Variants in LRP1B observed in about 807,000 individuals in gnomAD.
LRP1B encodes the protein LDL receptor related protein 1B.
In LRP1B, 217 loss-of-function variants were observed where a neutral mutation model predicts 556.6. The observed-to-expected ratio is 0.39, with a 90% CI of 0.35 to 0.44. LRP1B has a LOEUF of 0.44. Among genes scored for constraint, LRP1B ranks in the 20% least tolerant of loss-of-function variants. The pLI, the probability that LRP1B is intolerant of heterozygous loss-of-function variation, is 1.00. For missense variants in LRP1B, 5,053 were observed against 5,620.8 expected, an observed-to-expected ratio of 0.90 and a Z score of 3.23; for synonymous variants, 2,047 against 1,865.8, an observed-to-expected ratio of 1.10 and a Z score of -2.50.
chr2:141,958,249 G>GT (rs1302611278), intron 1 of LRP1B, among the ~76,000 whole-genome samples: 3 of 152,024 alleles, frequency 2.0e-5, no homozygotes, highest in African/African-American at 7.2e-5. Flanking sequence ...CAGTCCTGGT[G>GT]CATTAGAAGA....
intron 2 of LRP1B, among the ~76,000 whole-genome samples, chr2:141,644,158 G>A (rs1689458993): frequency 6.6e-6 from 1 of 151,836 alleles, no homozygotes; most frequent in Non-Finnish European, 1.5e-5. Context: ...CTCTATTAGT[G>A]ATGTGGTTTG....
intron 1 of LRP1B, among the ~76,000 whole-genome samples, chr2:141,853,975 G>A (rs984066573): frequency 2.0e-5 from 3 of 151,836 alleles, no homozygotes; most frequent in Admixed American, 6.6e-5. Context: ...GGTTAAGACA[G>A]CTACTATGAT....
At chr2:141,273,771 A>G (rs1163394814) in intron 3 of LRP1B, among the ~76,000 whole-genome samples, 1 of 152,222 alleles carries the variant, frequency 6.6e-6, no homozygotes, top group Non-Finnish European at 1.5e-5. Context: ...AACACCATCA[A>G]AAAAGTGAAT....
intron 37 of LRP1B, among the ~76,000 whole-genome samples, chr2:140,706,088 C>A (rs1686826679): frequency 1.3e-5 from 2 of 152,020 alleles, no homozygotes; most frequent in South Asian, 4.1e-4. Context: ...CATAGATGCA[C>A]CTGAGATATC....
At chr2:140,383,429 G>T (rs912042892) in intron 67 of LRP1B, among the ~76,000 whole-genome samples, 8 of 151,702 alleles carry the variant, frequency 5.3e-5, no homozygotes, top group African/African-American at 1.9e-4. Flanking sequence ...ATATTTTGGT[G>T]CTCCCCAAAG....
chr2:141,826,236 T>G lies in LRP1B; in HGVS notation c.83-15835A>C, dbSNP rs964643183. 2.0e-5 allele frequency among the ~76,000 whole-genome samples: 3 copies of G among 151,116 alleles called. 1 individual carries two copies. In the South Asian group the frequency reaches 6.2e-4, roughly 31 times the overall value. On this transcript the variant is annotated intron_variant, in intron 1 of 90. Coordinates refer to ENST00000389484, the MANE Select transcript of LRP1B (RefSeq NM_018557.3). ...TAAAAATAATATATATTGTTCTGTA[T>G]ATTCCCATTTTACTTAAATATTTTA... is the stretch of plus-strand genomic sequence containing the variant.
chr2:141,985,019 G>A (rs980679025), intron 1 of LRP1B, among the ~76,000 whole-genome samples: 3 of 152,120 alleles, frequency 2.0e-5, no homozygotes. Context: ...CAAATTACCA[G>A]TTAAATGTGA....
At chr2:141,592,132 C>T (rs1687361965) in intron 2 of LRP1B, among the ~76,000 whole-genome samples, 1 of 152,132 alleles carries the variant, frequency 6.6e-6, no homozygotes, top group Admixed American at 6.5e-5. Context: ...TTTCTCCCAA[C>T]CACTCGTTGA....
chr2:140,509,346 T>C (rs566095863), intron 52 of LRP1B, among the ~76,000 whole-genome samples: 14 of 152,330 alleles, frequency 9.2e-5, no homozygotes, highest in African/African-American at 3.4e-4. Flanking sequence ...AGTAATGCCC[T>C]GAAAATTTCC....
chr2:140,465,397 G>T (rs1156665647), intron 60 of LRP1B, among the ~76,000 whole-genome samples: 1 of 152,154 alleles, frequency 6.6e-6, no homozygotes, highest in Non-Finnish European at 1.5e-5. Context: ...GTAAGTGAGA[G>T]AATTGATAGA....
At chr2:141,469,416 C>A (rs903630865) in intron 3 of LRP1B, among the ~76,000 whole-genome samples, 1 of 152,036 alleles carries the variant, frequency 6.6e-6, no homozygotes, top group African/African-American at 2.4e-5. Flanking sequence ...GTAGCTTAAA[C>A]AAAGGCAGCT....
At chr2:141,194,779 C>T (rs1484620431) in intron 6 of LRP1B, among the ~76,000 whole-genome samples, 3 of 151,996 alleles carry the variant, frequency 2.0e-5, no homozygotes, top group Admixed American at 2.0e-4. Flanking sequence ...AATACCAAGA[C>T]TCCAAAATGG....
rs2105188139 is a variant in LRP1B at position 140,598,619 on chromosome 2, T to C, written c.7194+12A>G. 1 of 1,600,762 alleles carries C rather than the reference T, an allele frequency of 6.2e-7. No individual in the cohort carries two copies. The highest frequency in any genetic ancestry group is 2.2e-5 in the East Asian group (1 of 44,736). Reference sequence around the variant, plus strand: ...TATAACTCTATAACCAAGAAATTCCTGATTAACTTACATGTCTCTGGGATC... The same window carrying C: ...TATAACTCTATAACCAAGAAATTCCCGATTAACTTACATGTCTCTGGGATC... On this transcript the variant is annotated intron_variant, in intron 43 of 90. Coordinates refer to ENST00000389484, the MANE Select transcript of LRP1B (RefSeq NM_018557.3).
chr2:141,981,179 T>C (rs1233735463), intron 1 of LRP1B, among the ~76,000 whole-genome samples: 1 of 152,096 alleles, frequency 6.6e-6, no homozygotes, highest in African/African-American at 2.4e-5. Flanking sequence ...TACAATCTTA[T>C]GGTACTATGT....
At chr2:140,844,413 ACTTT>A (rs1231696403) in intron 29 of LRP1B, among the ~76,000 whole-genome samples, 1 of 151,796 alleles carries the variant, frequency 6.6e-6, no homozygotes, top group African/African-American at 2.4e-5. Flanking sequence ...ACCAGATTGA[ACTTT>A]CTAATTATCA....
At chr2:140,286,263 T>C (rs1683146468) in intron 84 of LRP1B, among the ~76,000 whole-genome samples, 1 of 151,884 alleles carries the variant, frequency 6.6e-6, no homozygotes, top group Non-Finnish European at 1.5e-5. Context: ...TTTTTATAAA[T>C]ATTGGATCAT....
chr2:140,663,194 G>GC (rs1685157411), intron 41 of LRP1B, among the ~76,000 whole-genome samples: 1 of 151,894 alleles, frequency 6.6e-6, no homozygotes, highest in Non-Finnish European at 1.5e-5. Flanking sequence ...TCATTAAAAT[G>GC]TCCCCCAAAA....
intron 3 of LRP1B, among the ~76,000 whole-genome samples, chr2:141,276,090 TA>T (rs1413882706): frequency 6.6e-6 from 1 of 152,242 alleles, no homozygotes; most frequent in Non-Finnish European, 1.5e-5. Context: ...TAATGGATCA[TA>T]TTTTTTTGGT....
At chr2:141,962,575 T>A (rs758567409) in intron 1 of LRP1B, among the ~76,000 whole-genome samples, 13 of 151,816 alleles carry the variant, frequency 8.6e-5, no homozygotes, top group Non-Finnish European at 1.3e-4. Flanking sequence ...GTCCCTATTT[T>A]AAGTTTTTTC....
Sources: allele counts gnomAD v4.1 joint callset (sites outside exome capture counted in the v4.1 genomes callset), GRCh38; gene constraint gnomAD v4.1.1; transcripts MANE v1.5; gene names NCBI Gene and HGNC (gene_info 2026-07-23, HGNC 2026-07-21).